SAXO1: variants seen among roughly 807,000 people sequenced by gnomAD.
SAXO1 encodes the protein stabilizer of axonemal microtubules 1.
In SAXO1, 21 loss-of-function variants were observed where a neutral mutation model predicts 17.5. That is an observed-to-expected ratio of 1.20 (90% CI 0.85 to 1.72). SAXO1 has a LOEUF of 1.72. Among genes scored for constraint, SAXO1 ranks in the 40% most tolerant of loss-of-function variants. SAXO1 has a pLI of 0.00. For missense variants in SAXO1, 843 were observed against 596.0 expected (o/e 1.41, Z -4.32); for synonymous variants, 274 against 216.5 (o/e 1.27, Z -2.33).
chr9:18,954,152 G>C (rs938924391), intron 1 of SAXO1, among the ~76,000 whole-genome samples: 2 of 152,132 alleles, frequency 1.3e-5, no homozygotes, highest in African/African-American at 2.4e-5. Flanking sequence ...GAACTCTCTA[G>C]TCTTTCCACT....
At chr9:19,048,686 T>C (rs1246847992) in intron 1 of SAXO1, among the ~76,000 whole-genome samples, 1 of 152,240 alleles carries the variant, frequency 6.6e-6, no homozygotes, top group Non-Finnish European at 1.5e-5. Flanking sequence ...AGTATCTGTG[T>C]AACTTGGTCA....
chr9:18,945,570 C>T (rs540771237), intron 2 of SAXO1, among the ~76,000 whole-genome samples: 1 of 152,336 alleles, frequency 6.6e-6, no homozygotes, highest in South Asian at 2.1e-4. Context: ...GGCTGAATCA[C>T]AGGGTTTGAT....
chr9:18,978,251 C>A (rs1339480301), intron 1 of SAXO1, among the ~76,000 whole-genome samples: 4 of 152,096 alleles, frequency 2.6e-5, no homozygotes, highest in African/African-American at 4.8e-5. Context: ...TTCAAGGCCG[C>A]ATTTTGAAGC....
intron 1 of SAXO1, among the ~76,000 whole-genome samples, chr9:18,997,331 C>T (rs1834048695): frequency 6.6e-6 from 1 of 152,256 alleles, no homozygotes; most frequent in Non-Finnish European, 1.5e-5. Flanking sequence ...CCCACAGAGC[C>T]TTCTCACTGC....
chr9:18,945,480 A>G (rs557187278), intron 2 of SAXO1, among the ~76,000 whole-genome samples: 2 of 152,320 alleles, frequency 1.3e-5, no homozygotes, highest in African/African-American at 4.8e-5. Context: ...CCCAATGTCA[A>G]AAGGCACCCT....
chr9:18,928,988 T>C lies in SAXO1; in HGVS notation c.489A>G (p.Ala163=), dbSNP rs763266682. 6.2e-7 allele frequency: 1 copy of C among 1,614,064 alleles called. No homozygotes were observed. Among genetic ancestry groups the C allele is most frequent in the South Asian group, 1.1e-5 (1 of 91,078 alleles). ...TGGTTCTGTTATCAAACCTGACTGA[T>C]GCCGGCTGGTATTTGTGTTCCAGAC... ...PLRLEHKYQP[A]SVRFDNRTTH... The change falls in exon 4 of 4, where the codon GCA becomes GCG. Residue 163 remains alanine (A), a synonymous_variant. Transcript: ENST00000380534.
intron 1 of SAXO1, among the ~76,000 whole-genome samples, chr9:19,004,655 G>A (rs529654730): frequency 6.6e-6 from 1 of 152,126 alleles, no homozygotes; most frequent in Non-Finnish European, 1.5e-5. Flanking sequence ...TCACAAGTGG[G>A]AGTTGAACAA....
chr9:19,025,746 T>C (rs1212085982), intron 1 of SAXO1, among the ~76,000 whole-genome samples: 3 of 152,220 alleles, frequency 2.0e-5, no homozygotes, highest in African/African-American at 7.2e-5. Flanking sequence ...TAATCAGATA[T>C]AAAAGTAAGC....
At chr9:18,948,632 T>G (rs1200280868) in intron 2 of SAXO1, among the ~76,000 whole-genome samples, 3 of 152,090 alleles carry the variant, frequency 2.0e-5, no homozygotes, top group Non-Finnish European at 2.9e-5. Flanking sequence ...CGAAGCACCA[T>G]CAGGAGGAGG....
intron 1 of SAXO1, among the ~76,000 whole-genome samples, chr9:19,012,513 C>A (rs550413939): frequency 6.6e-6 from 1 of 152,164 alleles, no homozygotes; most frequent in Non-Finnish European, 1.5e-5. Context: ...CAATGTGGCA[C>A]GAACCATATG....
At chr9:18,984,390 A>G (rs996007938) in intron 1 of SAXO1, among the ~76,000 whole-genome samples, 3 of 152,252 alleles carry the variant, frequency 2.0e-5, no homozygotes, top group African/African-American at 7.2e-5. Context: ...TAAAAGTCCT[A>G]GATGGCATCT....
At chr9:18,933,860 C>A (rs978690135) in intron 3 of SAXO1, among the ~76,000 whole-genome samples, 1 of 152,092 alleles carries the variant, frequency 6.6e-6, no homozygotes, top group South Asian at 2.1e-4. Flanking sequence ...TCCTGGCCAA[C>A]ATGGTGAAAC....
At chr9:18,940,335 C>G (rs1157061536) in intron 3 of SAXO1, among the ~76,000 whole-genome samples, 2 of 152,062 alleles carry the variant, frequency 1.3e-5, no homozygotes, top group Non-Finnish European at 1.5e-5. Context: ...GTGGCTTGAC[C>G]AAAGGTAGCT....
chr9:19,014,946 T>G (rs996218208), intron 1 of SAXO1, among the ~76,000 whole-genome samples: 2 of 152,122 alleles, frequency 1.3e-5, no homozygotes, highest in Non-Finnish European at 1.5e-5. Context: ...CCCCTTGAGT[T>G]TTCTCTAATA....
In SAXO1 at chr9:19,042,688, C is replaced by A. The variant is rs541262086; in HGVS notation, c.-158+6521G>T. 3.9e-5 allele frequency among the ~76,000 whole-genome samples: 6 copies of A among 152,114 alleles called. No homozygotes were observed. In the South Asian group the frequency reaches 1.2e-3, roughly 32 times the overall value. On this transcript the variant is annotated intron_variant, in intron 1 of 3. Transcript: ENST00000542071. ...AACCAGCCCGACCAACATGGAGAAA[C>A]CCCGTCCCTACTAAGAATACAAAAT...
intron 1 of SAXO1, among the ~76,000 whole-genome samples, chr9:19,029,901 CCATT>C (rs1268993775): frequency 2.0e-5 from 3 of 152,166 alleles, no homozygotes; most frequent in Non-Finnish European, 4.4e-5. Context: ...AAAACGCCAT[CCATT>C]CATTCAAAAA....
intron 1 of SAXO1, among the ~76,000 whole-genome samples, chr9:18,964,461 G>T (rs986195101): frequency 6.6e-6 from 1 of 152,138 alleles, no homozygotes; most frequent in Non-Finnish European, 1.5e-5. Flanking sequence ...CTTGTTATTG[G>T]TCTATTCAGG....
Position 19,010,841 on chromosome 9 carries a change from C to G in SAXO1, c.38+22030G>C, listed in dbSNP as rs149752356. ...CTCAATAGGACCACATAAAGGAAAC[C>G]TTTTATTAGACCCAATTACTATAAT... On this transcript the variant is annotated intron_variant, in intron 1 of 3. Coordinates refer to ENST00000380534, the MANE Select transcript of SAXO1 (RefSeq NM_153707.4). 1.2e-3 allele frequency among the ~76,000 whole-genome samples: 183 copies of G among 152,228 alleles called. 1 individual carries two copies. In the East Asian group the frequency reaches 0.016, roughly 13 times the overall value.
chr9:18,942,619 C>T lies in SAXO1; in HGVS notation c.219-780G>A, dbSNP rs959698831. Among the ~76,000 whole-genome samples the T allele has an allele frequency of 1.3e-5, 2 of 152,204 alleles. 1 individual carries two copies. The highest frequency in any genetic ancestry group is 4.1e-4 in the South Asian group (2 of 4,828). ...TCATTTCTCTGCTATCTGGTGTCTGCGCCCCCATTGTTTCAGGGAGTACCA... is the reference window on the plus strand; with the variant it reads ...TCATTTCTCTGCTATCTGGTGTCTGTGCCCCCATTGTTTCAGGGAGTACCA... On this transcript the variant is annotated intron_variant, in intron 2 of 3. Transcript: ENST00000380534.
Sources: allele counts gnomAD v4.1 joint callset (sites outside exome capture counted in the v4.1 genomes callset), GRCh38; gene constraint gnomAD v4.1.1; transcripts MANE v1.5; gene names NCBI Gene and HGNC (gene_info 2026-07-23, HGNC 2026-07-21).